The following RMST variants were observed in gnomAD, a reference collection of about 807,000 sequenced individuals.
RMST encodes the protein long intergenic non-protein coding RNA 54.
chr12:97,467,522 C>G (rs771323282), intron 5 of RMST, among the ~76,000 whole-genome samples: 1 of 151,946 alleles, frequency 6.6e-6, no homozygotes, highest in East Asian at 1.9e-4. Flanking sequence ...GCTGAATTAA[C>G]ACACCATTAG....
At chr12:97,525,886 G>A (rs1236188554) in intron 10 of RMST, among the ~76,000 whole-genome samples, 1 of 152,018 alleles carries the variant, frequency 6.6e-6, no homozygotes, top group Non-Finnish European at 1.5e-5. Flanking sequence ...CCTGAGCTTC[G>A]CCTCCTGTCA....
At chr12:97,469,174 GTGTGTGTATGTGTGTA>G (rs1181700652) in intron 5 of RMST, among the ~76,000 whole-genome samples, 17 of 138,342 alleles carry the variant, frequency 1.2e-4, no homozygotes, top group African/African-American at 4.6e-4. Flanking sequence ...GTGTGTGTGT[GTGTGTGTATGTGTGTA>G]TATATATACA....
At chr12:97,479,563 A>T (rs568723955) in intron 5 of RMST, among the ~76,000 whole-genome samples, 7 of 151,926 alleles carry the variant, frequency 4.6e-5, no homozygotes, top group African/African-American at 1.7e-4. Flanking sequence ...TATTTCCTAG[A>T]TCTCTCTGTG....
At chr12:97,557,906 A>C (rs1015753469) in intron 11 of RMST, among the ~76,000 whole-genome samples, 4 of 152,188 alleles carry the variant, frequency 2.6e-5, no homozygotes, top group African/African-American at 4.8e-5. Flanking sequence ...TCTTTACAGG[A>C]GCCCAATAAG....
At chr12:97,525,879 G>C (rs1209629113) in intron 10 of RMST, among the ~76,000 whole-genome samples, 1 of 152,102 alleles carries the variant, frequency 6.6e-6, no homozygotes, top group African/African-American at 2.4e-5. Flanking sequence ...ATTACAACCT[G>C]AGCTTCGCCT....
At position 97,497,772 on chromosome 12, in the gene RMST, T is replaced by A. The variant is rs150921938; in HGVS notation, n.1340+1716T>A. ...TGTTTTTTAATCAAAGAAACACATA[T>A]AATGTGAATTAGAGCATAATTGTCA... is the stretch of plus-strand genomic sequence containing the variant. On this transcript the variant is annotated intron_variant and non_coding_transcript_variant, in intron 10 of 13. Transcript: ENST00000640149. Among the ~76,000 whole-genome samples, 961 of 152,148 alleles carry A rather than the reference T, an allele frequency of 6.3e-3. 5 individuals carry two copies. The highest frequency in any genetic ancestry group is 0.022 in the African/African-American group (898 of 41,482).
intron 10 of RMST, among the ~76,000 whole-genome samples, chr12:97,505,849 T>G (rs904693421): frequency 6.6e-5 from 10 of 152,216 alleles, no homozygotes; most frequent in African/African-American, 9.6e-5. Context: ...GATTTCAATT[T>G]GTACATTTTC....
intron 10 of RMST, among the ~76,000 whole-genome samples, chr12:97,510,858 CTTTTTTTTTTT>C: frequency 6.8e-6 from 1 of 147,332 alleles, no homozygotes; most frequent in East Asian, 2.0e-4. Context: ...TTTCCAGTCA[CTTTTTTTTTTT>C]AAGTTGAACT....
intron 10 of RMST, among the ~76,000 whole-genome samples, chr12:97,523,799 C>T (rs1383260927): frequency 1.3e-5 from 2 of 151,942 alleles, no homozygotes; most frequent in Non-Finnish European, 1.5e-5. Context: ...CATAACTGGC[C>T]GGGCGCAGTG....
chr12:97,477,589 T>A (rs1322074251), intron 5 of RMST, among the ~76,000 whole-genome samples: 1 of 152,016 alleles, frequency 6.6e-6, no homozygotes, highest in Admixed American at 6.6e-5. Context: ...TAGAAAAAAA[T>A]TAAAAACTGG....
At chr12:97,501,507 T>A (rs1384346269) in intron 10 of RMST, among the ~76,000 whole-genome samples, 1 of 152,214 alleles carries the variant, frequency 6.6e-6, no homozygotes, top group Non-Finnish European at 1.5e-5. Flanking sequence ...ATTGTTGTGT[T>A]GATTAATTAA....
chr12:97,468,999 A>G (rs955346291), intron 5 of RMST, among the ~76,000 whole-genome samples: 2 of 151,894 alleles, frequency 1.3e-5, no homozygotes, highest in African/African-American at 4.8e-5. Flanking sequence ...ATACATCATC[A>G]TGAATCACAC....
intron 10 of RMST, among the ~76,000 whole-genome samples, chr12:97,528,169 T>C (rs1279421374): frequency 6.6e-6 from 1 of 152,126 alleles, no homozygotes; most frequent in Non-Finnish European, 1.5e-5. Context: ...AAGAAGAAAA[T>C]GCTTTCTAAT....
intron 5 of RMST, among the ~76,000 whole-genome samples, chr12:97,471,519 G>T (rs77940855): frequency 1.3e-5 from 2 of 152,238 alleles, no homozygotes; most frequent in South Asian, 4.1e-4. Context: ...TGAACAGCCC[G>T]TGAGAGTTCC....
At chr12:97,508,506 G>A (rs774704244) in intron 10 of RMST, among the ~76,000 whole-genome samples, 1 of 152,180 alleles carries the variant, frequency 6.6e-6, no homozygotes, top group Non-Finnish European at 1.5e-5. Flanking sequence ...TGGACAAAAG[G>A]AGAATTGTAG....
chr12:97,510,836 G>A (rs1879201928), intron 10 of RMST, among the ~76,000 whole-genome samples: 1 of 151,980 alleles, frequency 6.6e-6, no homozygotes, highest in Admixed American at 6.6e-5. Context: ...AAGTCGATAG[G>A]CTGAATGTTA....
chr12:97,491,261 A>G (rs768137741), intron 5 of RMST, among the ~76,000 whole-genome samples: 8 of 152,108 alleles, frequency 5.3e-5, no homozygotes, highest in Non-Finnish European at 1.2e-4. Flanking sequence ...TGTCGTTTCT[A>G]TTATTTCACA....
intron 5 of RMST, among the ~76,000 whole-genome samples, chr12:97,481,215 C>T (rs1433539934): frequency 6.6e-6 from 1 of 152,016 alleles, no homozygotes; most frequent in African/African-American, 2.4e-5. Flanking sequence ...ATACAAGTAT[C>T]TGTCCTCTTC....
chr12:97,548,450 G>A (rs1321609051), intron 11 of RMST, among the ~76,000 whole-genome samples: 2 of 151,960 alleles, frequency 1.3e-5, no homozygotes, highest in Non-Finnish European at 2.9e-5. Flanking sequence ...TTTTGATAGG[G>A]ATTGCTTTGA....
Sources: gnomAD v4.1 joint callset for allele counts (sites outside exome capture counted in the v4.1 genomes callset) on GRCh38, gnomAD v4.1.1 for gene constraint, MANE v1.5 for transcripts, NCBI Gene and HGNC (gene_info 2026-07-23, HGNC 2026-07-21) for gene names.